Variants in HCRTR2 observed in about 807,000 individuals in gnomAD.
HCRTR2 encodes hypocretin receptor 2, also known as orexin receptor type 2.
A neutral mutation model predicts 49.0 loss-of-function variants in HCRTR2; 22 were observed. That is an observed-to-expected ratio of 0.45 (90% confidence interval 0.32 to 0.64). The LOEUF is 0.64. Ranked by LOEUF, HCRTR2 falls within the 30% of genes least tolerant of loss-of-function variation. The pLI is 0.04. For synonymous variants in HCRTR2, 236 were observed against 205.3 expected, an observed-to-expected ratio of 1.15 and a Z score of -1.28; for missense variants, 491 against 559.4, an observed-to-expected ratio of 0.88 and a Z score of 1.23.
In HCRTR2 at chr6:55,200,804, C is replaced by T. The variant is rs139908260; in HGVS notation, c.223+25994C>T. On this transcript the variant is annotated intron_variant, in intron 1 of 6. Coordinates refer to ENST00000370862, the MANE Select transcript of HCRTR2 (RefSeq NM_001384272.1). The stretch of plus-strand genomic sequence containing the variant: ...CTCTAAATCTTATTTTGTATAATAG[C>T]TTTCAGCATGTTCTTTAATTCTGTT... Among the ~76,000 whole-genome samples, 86 of 152,086 alleles carry T rather than the reference C, an allele frequency of 5.7e-4. No individual in the cohort carries two copies. In the South Asian group the frequency reaches 6.0e-3, roughly 11 times the overall value.
chr6:55,206,546 T>C (rs968966467), intron 1 of HCRTR2, among the ~76,000 whole-genome samples: 1 of 152,052 alleles, frequency 6.6e-6, no homozygotes, highest in South Asian at 2.1e-4. Context: ...ATTTTGATTT[T>C]TTTTTATGAG....
At chr6:55,253,328 C>T (rs1766589421) in intron 2 of HCRTR2, among the ~76,000 whole-genome samples, 1 of 152,046 alleles carries the variant, frequency 6.6e-6, no homozygotes, top group African/African-American at 2.4e-5. Flanking sequence ...ATCCTGACAG[C>T]CCAGAGACTT....
At chr6:55,241,336 G>A (rs895593859) in intron 1 of HCRTR2, among the ~76,000 whole-genome samples, 2 of 151,966 alleles carry the variant, frequency 1.3e-5, no homozygotes, top group African/African-American at 4.8e-5. Context: ...ATTATAAAAA[G>A]TATTACAATG....
chr6:55,130,388 T>G (rs1191490634), intron 1 of HCRTR2, among the ~76,000 whole-genome samples: 1 of 151,188 alleles, frequency 6.6e-6, no homozygotes, highest in South Asian at 2.1e-4. Flanking sequence ...GTTGTTTTGT[T>G]TTTTTTTTCA....
intron 1 of HCRTR2, among the ~76,000 whole-genome samples, chr6:55,226,462 C>A (rs573559292): frequency 1.3e-5 from 2 of 152,256 alleles, no homozygotes; most frequent in East Asian, 3.9e-4. Context: ...GCATGCACCA[C>A]CACGCCTGGC....
intron 1 of HCRTR2, among the ~76,000 whole-genome samples, chr6:55,196,563 A>T (rs1455545349): frequency 1.3e-5 from 2 of 152,152 alleles, no homozygotes; most frequent in African/African-American, 4.8e-5. Context: ...CTAGTTTTAG[A>T]CCTAGTCACT....
intron 1 of HCRTR2, among the ~76,000 whole-genome samples, chr6:55,221,950 A>G (rs1333356733): frequency 6.6e-6 from 1 of 152,172 alleles, no homozygotes; most frequent in Non-Finnish European, 1.5e-5. Context: ...CAAAAAATAG[A>G]TAAGTGGAAC....
intron 4 of HCRTR2, among the ~76,000 whole-genome samples, chr6:55,275,221 A>AT (rs1767055282): frequency 6.6e-6 from 1 of 152,100 alleles, no homozygotes; most frequent in Non-Finnish European, 1.5e-5. Context: ...TTCAGGGTGT[A>AT]TTTTTGCATT....
At chr6:55,132,032 G>A (rs9464194) in intron 1 of HCRTR2, among the ~76,000 whole-genome samples, 5,028 of 151,790 alleles carry the variant, frequency 0.033, 284 homozygotes, top group African/African-American at 0.11. Context: ...TAAATAAATA[G>A]CATGAGTTGT....
intron 1 of HCRTR2, among the ~76,000 whole-genome samples, chr6:55,107,719 A>T (rs887650611): frequency 6.6e-6 from 1 of 152,134 alleles, no homozygotes; most frequent in African/African-American, 2.4e-5. Context: ...ATTTCAAACA[A>T]TAAGAATAAT....
chr6:55,180,191 A>G (rs907298971), intron 1 of HCRTR2, among the ~76,000 whole-genome samples: 1 of 152,256 alleles, frequency 6.6e-6, no homozygotes, highest in Non-Finnish European at 1.5e-5. Context: ...ACAAATAAGA[A>G]AAATGAATTC....
At chr6:55,182,663 C>T (rs1765152745) in intron 1 of HCRTR2, among the ~76,000 whole-genome samples, 1 of 152,170 alleles carries the variant, frequency 6.6e-6, no homozygotes, top group South Asian at 2.1e-4. Flanking sequence ...CTTGCAGATT[C>T]CTGACCATTC....
intron 1 of HCRTR2, among the ~76,000 whole-genome samples, chr6:55,163,958 G>A (rs1000858056): frequency 6.6e-6 from 1 of 152,116 alleles, no homozygotes; most frequent in Non-Finnish European, 1.5e-5. Context: ...CAAAAAGTGG[G>A]TGAAGGATGT....
intron 1 of HCRTR2, among the ~76,000 whole-genome samples, chr6:55,135,636 A>G (rs1561982916): frequency 2.0e-5 from 3 of 152,244 alleles, no homozygotes; most frequent in South Asian, 4.1e-4. Context: ...AGTACTTGCT[A>G]TATCTTGATC....
chr6:55,206,298 A>G (rs1371823747), intron 1 of HCRTR2, among the ~76,000 whole-genome samples: 1 of 152,114 alleles, frequency 6.6e-6, no homozygotes, highest in Non-Finnish European at 1.5e-5. Context: ...CATATTGAAG[A>G]ATCACTTAAA....
chr6:55,255,516 C>A (rs1766637176), intron 3 of HCRTR2, 137 bp downstream of exon 3: 1 of 971,812 alleles, frequency 1.0e-6, no homozygotes, highest in Non-Finnish European at 1.6e-6. Context: ...AGCATGAAAA[C>A]CAACTTGAAT....
rs41271312 is a variant in HCRTR2 at position 55,174,618 on chromosome 6, C to G, written c.31C>G (p.Pro11Ala). 5.6e-6 allele frequency: 9 copies of G among 1,613,960 alleles called. No homozygotes were observed. The East Asian group carries it at 6.7e-5, about 12-fold the overall frequency. Residue 11 changes from proline (P) to alanine (A), a missense_variant, in exon 1 of 7, where the codon CCT (proline) becomes GCT (alanine). By Grantham distance (27) the Pro-to-Ala change is conservative. Coordinates refer to ENST00000370862, the MANE Select transcript of HCRTR2 (RefSeq NM_001384272.1). MSGTKLEDSP[P>A]CRNWSSASEL... ...CGGCACCAAATTGGAGGACTCCCCC[C>G]CTTGTCGCAACTGGTCATCTGCTTC... is the stretch of plus-strand genomic sequence containing the variant.
At chr6:55,180,377 A>G (rs774413417) in intron 1 of HCRTR2, among the ~76,000 whole-genome samples, 10 of 152,242 alleles carry the variant, frequency 6.6e-5, no homozygotes, top group Non-Finnish European at 1.3e-4. Context: ...GAAGGAAGAG[A>G]TACTTAGATG....
At chr6:55,187,354 A>C (rs1024984071) in intron 1 of HCRTR2, among the ~76,000 whole-genome samples, 15 of 144,310 alleles carry the variant, frequency 1.0e-4, no homozygotes, top group East Asian at 4.3e-4. Flanking sequence ...CGGAGGTTGC[A>C]GTGAGCCAAG....
Sources: allele counts gnomAD v4.1 joint callset (sites outside exome capture counted in the v4.1 genomes callset), GRCh38; gene constraint gnomAD v4.1.1; transcripts MANE v1.5; gene names NCBI Gene and HGNC (gene_info 2026-07-23, HGNC 2026-07-21).